The following TUB variants were observed in gnomAD, a reference collection of about 807,000 sequenced individuals.
TUB encodes the protein tubby protein homolog.
In TUB, 33 loss-of-function variants were observed where a neutral mutation model predicts 59.7. The observed-to-expected ratio is 0.55, with a 90% CI of 0.42 to 0.74. The LOEUF is 0.74. TUB is among the 30% of genes least tolerant of loss of function. The pLI is 0.00. For synonymous variants in TUB, 293 were observed against 256.4 expected, an observed-to-expected ratio of 1.14 and a Z score of -1.36; for missense variants, 659 against 672.0, an observed-to-expected ratio of 0.98 and a Z score of 0.21.
At chr11:8,028,263 A>G (rs999466227) in intron 1 of TUB, among the ~76,000 whole-genome samples, 1 of 152,166 alleles carries the variant, frequency 6.6e-6, no homozygotes, top group South Asian at 2.1e-4. Flanking sequence ...AGAAATGTCT[A>G]AGTTCTTATC....
At chr11:8,070,312 T>C (rs1237829609) in intron 2 of TUB, among the ~76,000 whole-genome samples, 2 of 152,112 alleles carry the variant, frequency 1.3e-5, no homozygotes, top group Non-Finnish European at 2.9e-5. Flanking sequence ...AGTTGCATTT[T>C]ATAATCTTCT....
chr11:8,046,346 C>A (rs976879744), intron 2 of TUB, among the ~76,000 whole-genome samples: 2 of 152,142 alleles, frequency 1.3e-5, no homozygotes, highest in African/African-American at 4.8e-5. Flanking sequence ...GCAGAAGTCT[C>A]TCCTTAGTTT....
chr11:8,041,848 C>T (rs1942756109), intron 2 of TUB, among the ~76,000 whole-genome samples: 2 of 152,178 alleles, frequency 1.3e-5, no homozygotes, highest in South Asian at 4.1e-4. Context: ...GGGGGAATTC[C>T]TTCGTGAATT....
intron 1 of TUB, among the ~76,000 whole-genome samples, chr11:8,021,789 G>A (rs370078469): frequency 2.0e-5 from 3 of 151,728 alleles, no homozygotes; most frequent in Non-Finnish European, 2.9e-5. Context: ...GGTGTCGGGC[G>A]CCTGTAGTCC....
At chr11:8,035,103 TC>T (rs1942628113), upstream of TUB, among the ~76,000 whole-genome samples, 2 of 152,182 alleles carry the variant, frequency 1.3e-5, no homozygotes, top group Admixed American at 6.5e-5. Context: ...GACATTGACC[TC>T]AAGTGCAACA....
chr11:8,053,309 T>C (rs1366667695), intron 2 of TUB, among the ~76,000 whole-genome samples: 1 of 152,190 alleles, frequency 6.6e-6, no homozygotes, highest in Non-Finnish European at 1.5e-5. Context: ...TTATTGAGAA[T>C]GCTAAATATA....
intron 2 of TUB, among the ~76,000 whole-genome samples, chr11:8,074,811 A>T (rs1490638381): frequency 7.6e-6 from 1 of 130,838 alleles, no homozygotes; most frequent in African/African-American, 2.9e-5. Context: ...CAGTGGCACA[A>T]TCTTGGCTCA....
Position 8,100,538 on chromosome 11 carries a change from G to A in TUB, c.1152G>A (p.Lys384=). 1 of 1,614,148 alleles carries A rather than the reference G, an allele frequency of 6.2e-7. No individual in the cohort carries two copies. Among genetic ancestry groups the A allele is most frequent in the East Asian group, 2.2e-5 (1 of 44,874 alleles). The change falls in exon 10 of 12, where the codon AAG becomes AAA. Residue 384 remains lysine, a synonymous_variant. Coordinates refer to ENST00000299506, the MANE Select transcript of TUB (RefSeq NM_177972.3). ...TCTTAGGCTTCAAGGGGCCTCGGAA[G>A]ATGAGCGTGATTGTCCCAGGCATGA... The part of the protein sequence containing the change: ...TNVLGFKGPR[K]MSVIVPGMNM...
rs1335814412 is a variant in TUB, at chr11:8,104,366, CTCTTCTCCAAG to C, written c.*2751_*2761del. 6.6e-6 allele frequency: 1 copy of C among 152,320 alleles called. No homozygotes were observed. Among genetic ancestry groups the C allele is most frequent in the African/African-American group, 2.4e-5 (1 of 41,454 alleles). The allele number at this position is 152,320 out of a possible 1,614,324, so 9.4% of individuals were successfully genotyped here. The stretch of plus-strand genomic sequence containing the variant: ...AGAGTGGTGAAGTTCACTTCCCCAA[CTCTTCTCCAAG>C]TCTAGCTTTCCTTTCCTTCTGGCTC... On this transcript the variant is annotated 3_prime_UTR_variant, in exon 12 of 12. Transcript: ENST00000299506.
intron 2 of TUB, among the ~76,000 whole-genome samples, chr11:8,043,394 G>A (rs150402436): frequency 6.6e-6 from 1 of 152,162 alleles, no homozygotes; most frequent in East Asian, 1.9e-4. Context: ...AAGGTTGTTT[G>A]GCTATTCTGT....
chr11:8,096,184 T>C (rs987299117), intron 5 of TUB, among the ~76,000 whole-genome samples: 2 of 152,152 alleles, frequency 1.3e-5, no homozygotes, highest in Non-Finnish European at 2.9e-5. Context: ...ACAGCTGAGA[T>C]AGAAGCTCAG....
At chr11:8,089,933 C>G in intron 2 of TUB, 136 bp from the exon 3 acceptor site, 1 of 1,333,326 alleles carries the variant, frequency 7.5e-7, no homozygotes, top group Non-Finnish European at 1.0e-6. Flanking sequence ...GTTTTGCCTC[C>G]CTTTCCTGGA....
chr11:8,064,196 C>G (rs1465329955), intron 2 of TUB, among the ~76,000 whole-genome samples: 2 of 152,182 alleles, frequency 1.3e-5, no homozygotes, highest in Admixed American at 6.5e-5. Context: ...GGTTTTAAAA[C>G]AGCATCACTT....
intron 2 of TUB, among the ~76,000 whole-genome samples, chr11:8,041,410 T>C (rs1038831498): frequency 2.0e-5 from 3 of 152,180 alleles, no homozygotes; most frequent in African/African-American, 7.2e-5. Context: ...GGCTGACTTA[T>C]CTCCGTAGGT....
At chr11:8,064,272 T>G (rs1366129593) in intron 2 of TUB, among the ~76,000 whole-genome samples, 1 of 152,192 alleles carries the variant, frequency 6.6e-6, no homozygotes, top group Non-Finnish European at 1.5e-5. Flanking sequence ...TGTCCCCACC[T>G]TGATGGACTG....
chr11:8,031,561 C>T (rs933581877), intron 1 of TUB, among the ~76,000 whole-genome samples: 3 of 152,166 alleles, frequency 2.0e-5, no homozygotes, highest in African/African-American at 2.4e-5. Context: ...GAGTTGAGAG[C>T]GGGGACCTCG....
At chr11:8,087,406 A>G (rs929615975) in intron 1 of TUB, among the ~76,000 whole-genome samples, 1 of 152,160 alleles carries the variant, frequency 6.6e-6, no homozygotes, top group Non-Finnish European at 1.5e-5. Context: ...AACCTAGAAA[A>G]CTGTGGAATG....
chr11:8,038,173 G>A (rs36206808), upstream of TUB, among the ~76,000 whole-genome samples: 64 of 152,126 alleles, frequency 4.2e-4, 1 homozygote, highest in African/African-American at 1.3e-3. Flanking sequence ...ATACCCCAAC[G>A]TGAGGTGCTG....
chr11:8,101,618 A>G lies in TUB; in HGVS notation c.1520A>G (p.Ter507TrpextTer91), dbSNP rs141606861. Residue 507 changes from the stop codon to tryptophan (W), a stop_lost, in exon 12 of 12, where the codon TAG becomes TGG. Transcript: ENST00000299506. ...TTCGACAGCAAGCTGGCGTGCGAGT[A>G]GAGGCCTCTTCGTGCCCTTTGGGGT... Reference protein sequence around the residue: ...SSFDSKLACE* With the variant: ...SSFDSKLACEW The G allele has an allele frequency of 6.2e-7, 1 of 1,614,194 alleles. No homozygotes were observed. The highest frequency in any genetic ancestry group is 8.5e-7 in the Non-Finnish European group (1 of 1,180,016).
Sources: allele counts gnomAD v4.1 joint callset (sites outside exome capture counted in the v4.1 genomes callset), GRCh38; gene constraint gnomAD v4.1.1; transcripts MANE v1.5; gene names NCBI Gene and HGNC (gene_info 2026-07-23, HGNC 2026-07-21).